Variants in TMEM245 observed in about 807,000 individuals in gnomAD.
The protein encoded by TMEM245 is protein CG-2.
A neutral mutation model predicts 101.2 loss-of-function variants in TMEM245; 69 were observed. The ratio of observed to expected loss-of-function variants is 0.68; its 90% CI spans 0.56 to 0.83. The LOEUF (loss-of-function observed/expected upper bound fraction) is 0.83, where lower values mean the gene tolerates loss of function less well. TMEM245 is among the 40% of genes least tolerant of loss of function. The pLI is 0.00. For synonymous variants in TMEM245, 537 were observed against 449.8 expected (o/e 1.19, Z -2.45); for missense variants, 1,075 against 1,092.8 (o/e 0.98, Z 0.23).
intron 10 of TMEM245, among the ~76,000 whole-genome samples, chr9:109,062,750 T>C (rs1242300497): frequency 6.6e-6 from 1 of 152,168 alleles, no homozygotes; most frequent in African/African-American, 2.4e-5. Flanking sequence ...GTGGAAGGAT[T>C]GCGTAAGCAC....
At chr9:109,046,106 T>C in intron 14 of TMEM245, 1 of 285,146 alleles carries the variant, frequency 3.5e-6, no homozygotes, top group South Asian at 3.7e-5. Context: ...ATGTTCACTT[T>C]CCAAATGAGA....
At chr9:109,093,214 A>G (rs1247858637) in intron 4 of TMEM245, among the ~76,000 whole-genome samples, 1 of 152,170 alleles carries the variant, frequency 6.6e-6, no homozygotes, top group Admixed American at 6.5e-5. Flanking sequence ...CAGAAGAAAA[A>G]TAAGAAAAGC....
chr9:109,068,263 G>A (rs1000736737), intron 9 of TMEM245, among the ~76,000 whole-genome samples: 7 of 151,812 alleles, frequency 4.6e-5, no homozygotes, highest in African/African-American at 7.3e-5. Context: ...CCAGCTACTC[G>A]GGAGGCTGAG....
intron 1 of TMEM245, among the ~76,000 whole-genome samples, chr9:109,116,676 G>A (rs74453341): frequency 0.23 from 35,502 of 151,890 alleles, 5,096 homozygotes; most frequent in Admixed American, 0.31. Flanking sequence ...ACAGGTGTGC[G>A]CCACCATGCC....
At chr9:109,055,638 T>A (rs910086194) in intron 12 of TMEM245, among the ~76,000 whole-genome samples, 12 of 100,802 alleles carry the variant, frequency 1.2e-4, no homozygotes, top group African/African-American at 4.8e-4. Context: ...TCTTTTTTTC[T>A]TTTTTTTTTT....
Position 109,050,678 on chromosome 9 carries a change from C to A in TMEM245, c.1869G>T (p.Leu623=). ...IETFLSILES[L]WIVMSRNVSL... The stretch of plus-strand genomic sequence containing the variant: ...TCACATTCCGGCTCATAACGATCCA[C>A]AGAGACTCCAAGATCTGACGAGGAA... The change falls in exon 13 of 18, where the codon CTG becomes CTT. Residue 623 remains leucine (L), a synonymous_variant. Coordinates refer to ENST00000374586, the MANE Select transcript of TMEM245 (RefSeq NM_032012.4). The A allele has an allele frequency of 6.2e-7, 1 of 1,612,508 alleles. No individual in the cohort carries two copies. Among genetic ancestry groups the A allele is most frequent in the Non-Finnish European group, 8.5e-7 (1 of 1,179,806 alleles).
intron 6 of TMEM245, 57 bp from the exon 7 acceptor site, chr9:109,086,077 G>C: frequency 6.4e-7 from 1 of 1,558,232 alleles, no homozygotes; most frequent in South Asian, 1.1e-5. Flanking sequence ...AGTATCATTA[G>C]AGAATGCAAC....
At chr9:109,026,420 G>A (rs73527229) in intron 17 of TMEM245, among the ~76,000 whole-genome samples, 9,952 of 152,044 alleles carry the variant, frequency 0.065, 1,104 homozygotes, top group African/African-American at 0.23. Context: ...ATAGTTAGGA[G>A]TTCGTTAAGA....
chr9:109,074,222 T>C (rs1341427576), intron 8 of TMEM245, among the ~76,000 whole-genome samples: 1 of 152,136 alleles, frequency 6.6e-6, no homozygotes, highest in Non-Finnish European at 1.5e-5. Flanking sequence ...GAATTTACCT[T>C]GCCCAATAAC....
intron 14 of TMEM245, among the ~76,000 whole-genome samples, chr9:109,041,678 A>G (rs1221188454): frequency 6.6e-6 from 1 of 151,948 alleles, no homozygotes; most frequent in East Asian, 1.9e-4. Context: ...ACTACAGTTA[A>G]TAATAATGCA....
At chr9:109,063,462 A>T (rs1048054119) in intron 10 of TMEM245, among the ~76,000 whole-genome samples, 16 of 152,094 alleles carry the variant, frequency 1.1e-4, no homozygotes, top group African/African-American at 3.9e-4. Context: ...CCATTATATT[A>T]TTTTTTTAGA....
intron 5 of TMEM245, among the ~76,000 whole-genome samples, chr9:109,088,221 T>C (rs1035939353): frequency 6.6e-6 from 1 of 152,248 alleles, no homozygotes. Flanking sequence ...ATTTGCTGTT[T>C]TGAACCATGA....
chr9:109,068,568 G>A (rs1588048941), intron 9 of TMEM245, among the ~76,000 whole-genome samples: 1 of 151,914 alleles, frequency 6.6e-6, no homozygotes. Context: ...GAACCCAGGA[G>A]GTGAAGGTTG....
intron 9 of TMEM245, among the ~76,000 whole-genome samples, chr9:109,071,828 G>C (rs1829344158): frequency 6.6e-6 from 1 of 152,118 alleles, no homozygotes; most frequent in South Asian, 2.1e-4. Context: ...CAGCTCTGCT[G>C]AACATCCCCC....
At chr9:109,071,329 C>G (rs1829325736) in intron 9 of TMEM245, among the ~76,000 whole-genome samples, 1 of 151,774 alleles carries the variant, frequency 6.6e-6, no homozygotes, top group Non-Finnish European at 1.5e-5. Context: ...TTCAAATAGG[C>G]CAGGCACAGT....
At chr9:109,094,500 T>C (rs1830088353) in intron 3 of TMEM245, among the ~76,000 whole-genome samples, 1 of 152,084 alleles carries the variant, frequency 6.6e-6, no homozygotes, top group Admixed American at 6.5e-5. Flanking sequence ...AGGCATATGG[T>C]TTTTCCGCAG....
Position 109,119,657 on chromosome 9 carries a change from C to A in TMEM245, c.257G>T (p.Trp86Leu). 6.4e-7 allele frequency: 1 copy of A among 1,557,684 alleles called. No homozygotes were observed. Among genetic ancestry groups the A allele is most frequent in the South Asian group, 1.2e-5 (1 of 84,678 alleles). ...CAGAAAAGTGCCGCATAGCACGGCC[C>A]AGAGCAGCGGCCGCAGGAAGGCCTC... is the stretch of plus-strand genomic sequence containing the variant. ...ILEAFLRPLL[W>L]AVLCGTFLHP... is the part of the protein sequence containing the mutation. The change falls in exon 1 of 18, where the codon TGG (tryptophan) becomes TTG (leucine). Residue 86 changes from tryptophan to leucine, a missense_variant. Physicochemically the swap from Trp to Leu is moderately conservative, Grantham distance 61. Around this residue, in one of 2 missense-constraint regions of TMEM245, gnomAD observed 808 missense variants for 741.5 expected, o/e 1.09. Coordinates refer to ENST00000374586, the MANE Select transcript of TMEM245 (RefSeq NM_032012.4).
intron 12 of TMEM245, among the ~76,000 whole-genome samples, chr9:109,056,656 C>T (rs1016619324): frequency 6.6e-6 from 1 of 151,950 alleles, no homozygotes; most frequent in Non-Finnish European, 1.5e-5. Context: ...GCACGGCAAA[C>T]CTCAATTTTT....
At chr9:109,087,039 T>C (rs1829860051) in intron 6 of TMEM245, 134 bp downstream of exon 6, 3 of 770,850 alleles carry the variant, frequency 3.9e-6, no homozygotes, top group Non-Finnish European at 5.7e-6. Flanking sequence ...ATTTTAAACA[T>C]TAAACTTTCA....
Sources: allele counts gnomAD v4.1 joint callset (sites outside exome capture counted in the v4.1 genomes callset), GRCh38; gene constraint gnomAD v4.1.1; regional missense constraint gnomAD v4.1.1; transcripts MANE v1.5; gene names NCBI Gene and HGNC (gene_info 2026-07-23, HGNC 2026-07-21).